DNMBP: variants seen among roughly 807,000 people sequenced by gnomAD.
DNMBP encodes the protein dynamin binding protein.
In DNMBP, 87 loss-of-function variants were observed where a neutral mutation model predicts 150.0. That is an observed-to-expected ratio of 0.58 (90% confidence interval 0.49 to 0.69). The LOEUF is 0.69. DNMBP is among the 30% of genes least tolerant of loss of function. The pLI is 0.00. For missense variants in DNMBP, 1,774 were observed against 1,949.0 expected (o/e 0.91, Z 1.69); for synonymous variants, 711 against 750.4 (o/e 0.95, Z 0.86).
chr10:100,004,936 A>G (rs940990240), intron 1 of DNMBP, among the ~76,000 whole-genome samples: 3 of 152,214 alleles, frequency 2.0e-5, no homozygotes, highest in Non-Finnish European at 2.9e-5. Flanking sequence ...AACAAAATAG[A>G]TATCAACTCC....
rs1589419411 is a variant in DNMBP at position 99,921,848 on chromosome 10, G to A, written c.2261-12702C>T. Among the ~76,000 whole-genome samples the A allele has an allele frequency of 4.6e-5, 5 of 108,844 alleles. No homozygotes were observed. In the South Asian group the frequency reaches 1.7e-3, roughly 37 times the overall value. The allele number at this position is 108,844 out of a possible 152,430, so 71.4% of individuals were successfully genotyped here. On this transcript the variant is annotated intron_variant, in intron 4 of 16. Coordinates refer to ENST00000324109, the MANE Select transcript of DNMBP (RefSeq NM_015221.4). The stretch of plus-strand genomic sequence containing the variant: ...CCACTGCACTCCAGCCTGGGCAACA[G>A]AGTGAGATTCCATCTGAAAAAAAAA...
intron 4 of DNMBP, among the ~76,000 whole-genome samples, chr10:99,950,879 T>G (rs536050199): frequency 6.6e-6 from 1 of 152,222 alleles, no homozygotes; most frequent in Admixed American, 6.5e-5. Context: ...AAAAACCAGC[T>G]GCAGAAATTT....
At position 99,898,773 on chromosome 10, in the gene DNMBP, G is replaced by A. The variant is rs1286566219; in HGVS notation, c.2703-13C>T. ...GTTGTATAGGCTCCTGCAAGGCAGT[G>A]GGCATGAAAAGAAAAGAGACAGTTT... On this transcript the variant is annotated splice_polypyrimidine_tract_variant and intron_variant, in intron 7 of 16. Transcript: ENST00000324109. 1 of 1,612,314 alleles carries A rather than the reference G, an allele frequency of 6.2e-7. No individual in the cohort carries two copies. The highest frequency in any genetic ancestry group is 8.5e-7 in the Non-Finnish European group (1 of 1,178,516).
At chr10:99,883,822 C>T (rs944585176) in intron 15 of DNMBP, among the ~76,000 whole-genome samples, 189 bp downstream of exon 15, 6 of 151,950 alleles carry the variant, frequency 3.9e-5, no homozygotes, top group Admixed American at 2.0e-4. Context: ...TTTGTCAAAA[C>T]AAAAAGAGGT....
chr10:99,879,642 CAGA>C (rs903729290), intron 16 of DNMBP, among the ~76,000 whole-genome samples, 166 bp downstream of exon 16: 2 of 152,166 alleles, frequency 1.3e-5, no homozygotes, highest in African/African-American at 4.8e-5. Flanking sequence ...GGAAGGTGCT[CAGA>C]AGGCTCTGAT....
chr10:99,937,817 T>C (rs765843181), intron 4 of DNMBP, among the ~76,000 whole-genome samples: 1 of 152,134 alleles, frequency 6.6e-6, no homozygotes, highest in African/African-American at 2.4e-5. Flanking sequence ...CCAACAAAGA[T>C]TGTGACTTGG....
chr10:99,877,736 C>T (rs1228360533), intron 16 of DNMBP, among the ~76,000 whole-genome samples: 1 of 152,112 alleles, frequency 6.6e-6, no homozygotes, highest in Non-Finnish European at 1.5e-5. Context: ...TGGTGGCACA[C>T]ACTTCTAATC....
At chr10:99,940,360 TC>T (rs2040281183) in intron 4 of DNMBP, among the ~76,000 whole-genome samples, 1 of 152,154 alleles carries the variant, frequency 6.6e-6, no homozygotes, top group Non-Finnish European at 1.5e-5. Context: ...CTTCACCTTT[TC>T]ACCATCAAAC....
chr10:99,883,638 C>CAAAAAAAAAAAAAAAAAAAAA (rs71009782), intron 15 of DNMBP, among the ~76,000 whole-genome samples: 9 of 65,618 alleles, frequency 1.4e-4, no homozygotes, highest in African/African-American at 4.0e-4. Flanking sequence ...AAGACTGCCA[C>CAAAAAAAAAAAAAAAAAAAAA]AAAAAAAAAA....
At chr10:99,943,548 G>A (rs2040325957) in intron 4 of DNMBP, among the ~76,000 whole-genome samples, 1 of 152,058 alleles carries the variant, frequency 6.6e-6, no homozygotes, top group African/African-American at 2.4e-5. Flanking sequence ...AACTACAGGT[G>A]TACACCACCA....
chr10:99,877,019 C>T lies in DNMBP; in HGVS notation c.*132G>A. 2 of 711,426 alleles carry T rather than the reference C, an allele frequency of 2.8e-6. No individual in the cohort carries two copies. Among genetic ancestry groups the T allele is most frequent in the Non-Finnish European group, 4.6e-6 (2 of 431,084 alleles). 44.1% of individuals were successfully genotyped at this position (711,426 alleles called of 1,614,324 possible). A position where few individuals can be genotyped will look rare whatever the true frequency, so the allele number is the denominator to read the frequency against. On this transcript the variant is annotated 3_prime_UTR_variant, in exon 17 of 17. Coordinates refer to ENST00000324109, the MANE Select transcript of DNMBP (RefSeq NM_015221.4). Reference sequence around the variant, plus strand: ...CGAGGAGAACAAGATCTGTGGTGTGCTCCACCATGCCATGGTTAAGCAACG... The same window carrying T: ...CGAGGAGAACAAGATCTGTGGTGTGTTCCACCATGCCATGGTTAAGCAACG...
At chr10:99,887,372 C>T (rs1249910873) in intron 12 of DNMBP, among the ~76,000 whole-genome samples, 1 of 152,012 alleles carries the variant, frequency 6.6e-6, no homozygotes, top group Non-Finnish European at 1.5e-5. Context: ...ACTAAAAATA[C>T]AAAAATTAGG....
chr10:99,924,203 C>A (rs1364205998), intron 4 of DNMBP, among the ~76,000 whole-genome samples: 1 of 151,002 alleles, frequency 6.6e-6, no homozygotes, highest in African/African-American at 2.4e-5. Context: ...TTTGGGAGGC[C>A]GAGGCGGGTG....
At chr10:99,879,084 C>CAAAAAAAAAAAAAAAAAAAAAAAAAA (rs71009780) in intron 16 of DNMBP, among the ~76,000 whole-genome samples, 5 of 62,398 alleles carry the variant, frequency 8.0e-5, no homozygotes, top group South Asian at 6.3e-4. Flanking sequence ...GACTCTGTCT[C>CAAAAAAAAAAAAAAAAAAAAAAAAAA]AAAAAAAAAA....
At chr10:99,906,535 A>C (rs765359353) in intron 6 of DNMBP, among the ~76,000 whole-genome samples, 18 of 151,698 alleles carry the variant, frequency 1.2e-4, no homozygotes, top group Non-Finnish European at 2.4e-4. Flanking sequence ...GTTATAGAAG[A>C]CTCTGTGGCT....
At chr10:99,973,711 G>A (rs1463393550) in intron 1 of DNMBP, among the ~76,000 whole-genome samples, 1 of 152,344 alleles carries the variant, frequency 6.6e-6, no homozygotes, top group East Asian at 1.9e-4. Context: ...CTGGCGCGGT[G>A]GCTCGCACCT....
chr10:99,988,576 C>T (rs533765375), intron 1 of DNMBP, among the ~76,000 whole-genome samples: 12 of 152,276 alleles, frequency 7.9e-5, no homozygotes, highest in African/African-American at 2.4e-4. Context: ...AAGATCAGTG[C>T]ATCATTTAAC....
intron 4 of DNMBP, chr10:99,930,244 G>T: frequency 1.4e-6 from 1 of 702,926 alleles, no homozygotes; most frequent in Non-Finnish European, 2.6e-6. Context: ...CACAACTGAG[G>T]TTGACCTAAA....
At chr10:99,900,430 A>C (rs1170446739) in intron 6 of DNMBP, among the ~76,000 whole-genome samples, 3 of 151,342 alleles carry the variant, frequency 2.0e-5, no homozygotes, top group Non-Finnish European at 2.9e-5. Context: ...ATGCCCAGCT[A>C]ATTTTTTGTA....
Sources: gnomAD v4.1 joint callset for allele counts (sites outside exome capture counted in the v4.1 genomes callset) on GRCh38, gnomAD v4.1.1 for gene constraint, MANE v1.5 for transcripts, NCBI Gene and HGNC (gene_info 2026-07-23, HGNC 2026-07-21) for gene names.